DCDC1: variants seen among roughly 807,000 people sequenced by gnomAD.
DCDC1 encodes doublecortin domain-containing protein 1.
In DCDC1, 200 loss-of-function variants were observed where a neutral mutation model predicts 178.3. That is an observed-to-expected ratio of 1.12 (90% CI 1.00 to 1.26). DCDC1 has a LOEUF of 1.26. Among genes scored for constraint, DCDC1 ranks in the 50% most tolerant of loss-of-function variants. The probability of loss-of-function intolerance (pLI) is 0.00; values close to 1 mark genes in which losing one functional copy is unlikely to be tolerated. For synonymous variants in DCDC1, 690 were observed against 604.8 expected (o/e 1.14, Z -2.07); for missense variants, 1,983 against 1,749.2 (o/e 1.13, Z -2.38).
At chr11:31,206,373 T>C (rs1046267630) in intron 9 of DCDC1, among the ~76,000 whole-genome samples, 2 of 152,134 alleles carry the variant, frequency 1.3e-5, no homozygotes, top group East Asian at 1.9e-4. Context: ...ACTCTTAAGA[T>C]CATGAGATCT....
At position 30,981,929 on chromosome 11, in the gene DCDC1, C is replaced by T. The variant is rs1036153278; in HGVS notation, c.2592-29361G>A. On this transcript the variant is annotated intron_variant, in intron 20 of 38. Coordinates refer to ENST00000684477, the MANE Select transcript of DCDC1 (RefSeq NM_001387274.1). ...GCAAAGATAAAGGGATTGGATAAGC[C>T]GTAAAAACAATCATACTACTGTGAA... 3.3e-5 allele frequency among the ~76,000 whole-genome samples: 5 copies of T among 152,040 alleles called. 1 individual carries two copies. In the East Asian group the frequency reaches 9.7e-4, roughly 29 times the overall value.
intron 20 of DCDC1, among the ~76,000 whole-genome samples, chr11:31,039,437 T>C (rs1954290217): frequency 6.6e-6 from 1 of 152,204 alleles, no homozygotes. Flanking sequence ...TTCCACTTAC[T>C]AGCTCTTTGA....
chr11:31,033,977 C>A (rs1469056273), intron 20 of DCDC1, among the ~76,000 whole-genome samples: 2 of 137,174 alleles, frequency 1.5e-5, no homozygotes, highest in Non-Finnish European at 3.0e-5. Flanking sequence ...AACCCTGTCT[C>A]TAGTAGAAAT....
chr11:31,277,665 T>C (rs901264606), intron 7 of DCDC1, among the ~76,000 whole-genome samples: 1 of 152,142 alleles, frequency 6.6e-6, no homozygotes, highest in African/African-American at 2.4e-5. Context: ...CCTCGATGAT[T>C]AATAATACTG....
At chr11:31,199,721 A>G (rs539942027) in intron 9 of DCDC1, among the ~76,000 whole-genome samples, 3 of 152,100 alleles carry the variant, frequency 2.0e-5, no homozygotes, top group Non-Finnish European at 2.9e-5. Flanking sequence ...TTCCTAGTGT[A>G]CAAGTGATGA....
chr11:31,117,388 A>T (rs923070680), intron 11 of DCDC1, among the ~76,000 whole-genome samples: 1 of 151,968 alleles, frequency 6.6e-6, no homozygotes, highest in African/African-American at 2.4e-5. Flanking sequence ...AGGAAAAAAA[A>T]AAAAATTCTA....
chr11:31,078,921 A>G (rs1957015600), intron 17 of DCDC1, among the ~76,000 whole-genome samples: 2 of 151,790 alleles, frequency 1.3e-5, no homozygotes, highest in African/African-American at 2.4e-5. Context: ...TTTGGAAACC[A>G]TGTACTAGAA....
chr11:31,000,910 A>T (rs1951535590), intron 20 of DCDC1, among the ~76,000 whole-genome samples: 1 of 152,162 alleles, frequency 6.6e-6, no homozygotes, highest in Admixed American at 6.5e-5. Flanking sequence ...ATCACATATA[A>T]TTATATATAC....
chr11:30,969,472 T>C (rs1250462284), intron 20 of DCDC1, among the ~76,000 whole-genome samples: 1 of 152,180 alleles, frequency 6.6e-6, no homozygotes, highest in Non-Finnish European at 1.5e-5. Flanking sequence ...TGACACTTGA[T>C]TTTGGCTCAA....
chr11:31,273,675 T>A (rs989948967), intron 7 of DCDC1, among the ~76,000 whole-genome samples: 2 of 152,204 alleles, frequency 1.3e-5, no homozygotes, highest in African/African-American at 4.8e-5. Flanking sequence ...AGTTCGAAAG[T>A]CGCTTCCACA....
intron 32 of DCDC1, among the ~76,000 whole-genome samples, chr11:30,903,028 G>C (rs146146198): frequency 6.6e-6 from 1 of 152,104 alleles, no homozygotes; most frequent in African/African-American, 2.4e-5. Flanking sequence ...AAGGGGACTT[G>C]AATGACAGTA....
intron 1 of DCDC1, among the ~76,000 whole-genome samples, chr11:31,354,050 G>A (rs1379477121): frequency 6.6e-6 from 1 of 152,192 alleles, no homozygotes; most frequent in Admixed American, 6.5e-5. Flanking sequence ...CACTTTGGGA[G>A]GCCAAGGCGG....
chr11:31,274,788 C>T (rs911771164), intron 7 of DCDC1, among the ~76,000 whole-genome samples: 2 of 151,750 alleles, frequency 1.3e-5, no homozygotes, highest in Non-Finnish European at 2.9e-5. Flanking sequence ...GAAACATCTG[C>T]CTCCCAGGTT....
chr11:31,200,823 T>C (rs1362756671), intron 9 of DCDC1, among the ~76,000 whole-genome samples: 2 of 152,040 alleles, frequency 1.3e-5, no homozygotes, highest in Non-Finnish European at 2.9e-5. Context: ...GTTTTGTTAT[T>C]ATCTTATAAT....
At chr11:31,130,436 C>T (rs1343805728) in intron 10 of DCDC1, among the ~76,000 whole-genome samples, 4 of 152,078 alleles carry the variant, frequency 2.6e-5, no homozygotes, top group Non-Finnish European at 5.9e-5. Context: ...TGCTCTCTTC[C>T]GCCTGCCCAC....
At chr11:31,255,330 G>C (rs1033915583) in intron 8 of DCDC1, among the ~76,000 whole-genome samples, 3 of 152,082 alleles carry the variant, frequency 2.0e-5, no homozygotes, top group African/African-American at 4.8e-5. Flanking sequence ...TGGAATTGCA[G>C]GGCCATGTGG....
chr11:31,223,927 C>T (rs1312655480), intron 9 of DCDC1, among the ~76,000 whole-genome samples: 1 of 151,916 alleles, frequency 6.6e-6, no homozygotes, highest in Non-Finnish European at 1.5e-5. Context: ...AGATACAATC[C>T]CACATGTTGT....
At chr11:30,917,840 G>T (rs1945960298) in intron 25 of DCDC1, among the ~76,000 whole-genome samples, 1 of 152,218 alleles carries the variant, frequency 6.6e-6, no homozygotes, top group South Asian at 2.1e-4. Context: ...TCACCAAGGT[G>T]CTTGTCATAA....
chr11:30,875,984 C>CT (rs1158199381), intron 38 of DCDC1, among the ~76,000 whole-genome samples: 1 of 152,152 alleles, frequency 6.6e-6, no homozygotes, highest in African/African-American at 2.4e-5. Flanking sequence ...AACATTGCAA[C>CT]TTTACCCTAA....
Sources: gnomAD v4.1 joint callset for allele counts (sites outside exome capture counted in the v4.1 genomes callset) on GRCh38, gnomAD v4.1.1 for gene constraint, MANE v1.5 for transcripts, NCBI Gene and HGNC (gene_info 2026-07-23, HGNC 2026-07-21) for gene names.